The following DCDC2C variants were observed in gnomAD, a reference collection of about 807,000 sequenced individuals.
DCDC2C encodes the protein doublecortin domain-containing protein 2C.
DCDC2C carries 44 observed loss-of-function variants against 45.0 expected under a neutral mutation model. That is an observed-to-expected ratio of 0.98 (90% CI 0.77 to 1.26). The LOEUF (loss-of-function observed/expected upper bound fraction) is 1.26. DCDC2C is among the 50% of genes most tolerant of loss of function. DCDC2C has a pLI of 0.00. For missense variants in DCDC2C, 447 were observed against 468.9 expected, an observed-to-expected ratio of 0.95 and a Z score of 0.43; for synonymous variants, 187 against 178.8, an observed-to-expected ratio of 1.05 and a Z score of -0.37.
At chr2:3,790,143 G>C (rs1201749624) in intron 10 of DCDC2C, among the ~76,000 whole-genome samples, 2 of 152,178 alleles carry the variant, frequency 1.3e-5, no homozygotes, top group Non-Finnish European at 2.9e-5. Context: ...TGCTTCAGGT[G>C]CTCTACAGAA....
intron 2 of DCDC2C, among the ~76,000 whole-genome samples, chr2:3,719,423 C>G (rs1668434327): frequency 1.3e-5 from 2 of 152,238 alleles, no homozygotes. Flanking sequence ...CCCGCTGCCT[C>G]CCAAGCCTCT....
chr2:3,802,412 A>G (rs1281594843), intron 10 of DCDC2C, among the ~76,000 whole-genome samples: 1 of 152,200 alleles, frequency 6.6e-6, no homozygotes, highest in Non-Finnish European at 1.5e-5. Flanking sequence ...TCAGCCCTGG[A>G]GGTAAACAAG....
At chr2:3,753,324 A>G (rs1010923523) in intron 5 of DCDC2C, among the ~76,000 whole-genome samples, 23 of 152,222 alleles carry the variant, frequency 1.5e-4, no homozygotes, top group Non-Finnish European at 3.1e-4. Context: ...GAAAAAAGCC[A>G]TGATTTTTGT....
At chr2:3,823,172 GTTTTAGT>G (rs1424549083) in intron 10 of DCDC2C, among the ~76,000 whole-genome samples, 1 of 152,040 alleles carries the variant, frequency 6.6e-6, no homozygotes, top group African/African-American at 2.4e-5. Flanking sequence ...ATTTTATTGT[GTTTTAGT>G]TTTCATTCAT....
intron 2 of DCDC2C, among the ~76,000 whole-genome samples, chr2:3,725,500 AGGAGGCTGCCCGGTG>A (rs1668630644): frequency 3.4e-5 from 3 of 87,704 alleles, no homozygotes; most frequent in South Asian, 5.7e-4. Context: ...GCAGAGAGGG[AGGAGGCTGCCCGGTG>A]GATCCCAGAG....
At chr2:3,750,766 C>T (rs144271405) in intron 4 of DCDC2C, among the ~76,000 whole-genome samples, 2,027 of 152,318 alleles carry the variant, frequency 0.013, 20 homozygotes, top group Non-Finnish European at 0.02. Flanking sequence ...CCTCTTTCCT[C>T]AATTCCAGGA....
intron 10 of DCDC2C, among the ~76,000 whole-genome samples, chr2:3,813,732 CTTTT>C (rs3067128): frequency 5.0e-5 from 5 of 99,156 alleles, no homozygotes; most frequent in Admixed American, 1.1e-4. Flanking sequence ...GCAACCCCTG[CTTTT>C]TTTTTTTTTT....
chr2:3,790,243 G>T (rs192605705), intron 10 of DCDC2C, among the ~76,000 whole-genome samples: 1 of 152,328 alleles, frequency 6.6e-6, no homozygotes, highest in Admixed American at 6.5e-5. Flanking sequence ...TTTGCTACTA[G>T]CTATTAGACA....
At chr2:3,791,444 C>T (rs1035096489) in intron 10 of DCDC2C, among the ~76,000 whole-genome samples, 5 of 152,062 alleles carry the variant, frequency 3.3e-5, no homozygotes, top group Non-Finnish European at 5.9e-5. Flanking sequence ...GTTGTATTCA[C>T]GACAATTTTA....
At chr2:3,714,799 C>A (rs1392537480) in intron 2 of DCDC2C, among the ~76,000 whole-genome samples, 1 of 152,230 alleles carries the variant, frequency 6.6e-6, no homozygotes, top group Non-Finnish European at 1.5e-5. Context: ...GTACTTTGGG[C>A]TGGCTGAACC....
At chr2:3,727,632 G>A (rs1282942683) in intron 3 of DCDC2C, among the ~76,000 whole-genome samples, 1 of 152,256 alleles carries the variant, frequency 6.6e-6, no homozygotes, top group African/African-American at 2.4e-5. Context: ...AGGCACCGAG[G>A]TGCTCAGTGG....
At chr2:3,717,987 C>T (rs529819647) in intron 2 of DCDC2C, among the ~76,000 whole-genome samples, 1 of 152,208 alleles carries the variant, frequency 6.6e-6, no homozygotes, top group Non-Finnish European at 1.5e-5. Context: ...CCCATGCTTC[C>T]ATGGCACCCA....
intron 10 of DCDC2C, among the ~76,000 whole-genome samples, chr2:3,814,791 G>T (rs1671512070): frequency 6.6e-6 from 1 of 152,260 alleles, no homozygotes; most frequent in South Asian, 2.1e-4. Flanking sequence ...GGAAGGATGG[G>T]TCAGGTCAGG....
intron 4 of DCDC2C, among the ~76,000 whole-genome samples, chr2:3,742,540 G>A (rs1019783129): frequency 5.9e-5 from 9 of 152,062 alleles, no homozygotes; most frequent in African/African-American, 1.9e-4. Context: ...CTGGCGTGGA[G>A]CAAATCTCCT....
At chr2:3,709,997 C>G (rs1572548244) in intron 2 of DCDC2C, among the ~76,000 whole-genome samples, 1 of 152,116 alleles carries the variant, frequency 6.6e-6, no homozygotes, top group African/African-American at 2.4e-5. Flanking sequence ...TTGCTGGGCA[C>G]TCACTCTATG....
intron 10 of DCDC2C, among the ~76,000 whole-genome samples, chr2:3,791,448 A>G (rs1186902040): frequency 6.6e-6 from 1 of 152,186 alleles, no homozygotes; most frequent in Non-Finnish European, 1.5e-5. Flanking sequence ...TATTCACGAC[A>G]ATTTTAGAAA....
At position 3,772,015 on chromosome 2, in the gene DCDC2C, C is replaced by T. The variant is rs533313006; in HGVS notation, c.954+2604C>T. Among the ~76,000 whole-genome samples the T allele has an allele frequency of 9.2e-5, 14 of 152,354 alleles. No homozygotes were observed. In the South Asian group the frequency reaches 2.9e-3, roughly 32 times the overall value. ...TAATGATTTCAACTTTGTGGGTTAG[C>T]CTGAGCGTCTCACATGCTGTTTCTC... is the stretch of plus-strand genomic sequence containing the variant. On this transcript the variant is annotated intron_variant, in intron 8 of 10. Transcript: ENST00000399143.
chr2:3,716,527 C>T (rs922055242), intron 2 of DCDC2C, among the ~76,000 whole-genome samples: 3 of 152,132 alleles, frequency 2.0e-5, no homozygotes, highest in African/African-American at 7.2e-5. Flanking sequence ...ACAAACTGCT[C>T]TTTAAATGAG....
At chr2:3,822,184 T>A (rs1028951161) in intron 10 of DCDC2C, among the ~76,000 whole-genome samples, 13 of 152,226 alleles carry the variant, frequency 8.5e-5, no homozygotes, top group Non-Finnish European at 1.8e-4. Flanking sequence ...TGAATAGTAT[T>A]CCATTGTGTG....
Sources: allele counts gnomAD v4.1 joint callset (sites outside exome capture counted in the v4.1 genomes callset), GRCh38; gene constraint gnomAD v4.1.1; transcripts MANE v1.5; gene names NCBI Gene and HGNC (gene_info 2026-07-23, HGNC 2026-07-21).